The following TP63 variants were observed in gnomAD, a reference collection of about 807,000 sequenced individuals.
TP63 encodes tumor protein 63.
TP63 carries 17 observed loss-of-function variants against 82.8 expected under a neutral mutation model. The observed-to-expected ratio is 0.21, with a 90% CI of 0.14 to 0.31. TP63 has a LOEUF of 0.31. TP63 is among the 10% of genes least tolerant of loss of function. The pLI is 1.00. For synonymous variants in TP63, 330 were observed against 321.7 expected (o/e 1.03, Z -0.28); for missense variants, 648 against 895.3 (o/e 0.72, Z 3.52).
At chr3:189,761,009 G>A (rs1289618191) in intron 3 of TP63, among the ~76,000 whole-genome samples, 13 of 152,078 alleles carry the variant, frequency 8.5e-5, no homozygotes, top group Admixed American at 8.5e-4. Flanking sequence ...TGGGATGCAG[G>A]GCACCAAGTC....
At chr3:189,837,217 T>TTC (rs749445372) in intron 4 of TP63, among the ~76,000 whole-genome samples, 8 of 151,214 alleles carry the variant, frequency 5.3e-5, no homozygotes, top group South Asian at 2.1e-4. Context: ...CATTTTTTTT[T>TTC]TCTCTCTCTC....
chr3:189,888,968 A>G (rs987512911), intron 11 of TP63, among the ~76,000 whole-genome samples: 2 of 152,228 alleles, frequency 1.3e-5, no homozygotes, highest in Admixed American at 1.3e-4. Context: ...CTAGACACCT[A>G]TAAGATCTAA....
At chr3:189,845,437 T>C (rs899073363) in intron 4 of TP63, among the ~76,000 whole-genome samples, 1 of 152,150 alleles carries the variant, frequency 6.6e-6, no homozygotes, top group Non-Finnish European at 1.5e-5. Flanking sequence ...GAAAAACAAA[T>C]TGTTTTGTTA....
chr3:189,747,046 G>T (rs890843770), intron 3 of TP63, among the ~76,000 whole-genome samples: 1 of 151,298 alleles, frequency 6.6e-6, no homozygotes, highest in Non-Finnish European at 1.5e-5. Flanking sequence ...TTTAGCAAGG[G>T]GATATAACAA....
chr3:189,709,926 A>G (rs797016178), intron 1 of TP63, among the ~76,000 whole-genome samples: 6 of 152,292 alleles, frequency 3.9e-5, no homozygotes, highest in African/African-American at 1.4e-4. Context: ...TATACTTTTT[A>G]GGAATATTTT....
chr3:189,706,246 T>A (rs34439990), intron 1 of TP63, among the ~76,000 whole-genome samples: 22 of 152,162 alleles, frequency 1.4e-4, no homozygotes, highest in Admixed American at 5.2e-4. Context: ...TTACTTCTTT[T>A]TTTTATTTTA....
At chr3:189,598,703 C>T in the TP63 span, among the ~76,000 whole-genome samples, 1 of 152,236 alleles carries the variant, frequency 6.6e-6, no homozygotes, top group Non-Finnish European at 1.5e-5. Flanking sequence ...TGGGACTAAA[C>T]TAGAATTCCA....
At chr3:189,749,255 T>G (rs531956635) in intron 3 of TP63, among the ~76,000 whole-genome samples, 2 of 152,252 alleles carry the variant, frequency 1.3e-5, no homozygotes, top group East Asian at 3.9e-4. Flanking sequence ...AAGAAACACC[T>G]GTTGAATGGA....
At chr3:189,744,423 G>A (rs1721220717) in intron 3 of TP63, among the ~76,000 whole-genome samples, 1 of 152,214 alleles carries the variant, frequency 6.6e-6, no homozygotes, top group South Asian at 2.1e-4. Flanking sequence ...ACACCAGCAG[G>A]GGGCCTAAGG....
rs1712595602 is a variant in TP63, at chr3:189,648,334, T to C, written c.62+16757T>C. Among the ~76,000 whole-genome samples, 3 of 146,934 alleles carry C rather than the reference T, an allele frequency of 2.0e-5. No individual in the cohort carries two copies. The South Asian group carries it at 6.7e-4, about 33-fold the overall frequency. ...TACAATTTAGTTTACTTTTTTATTA[T>C]GCTTATTGTTTCTTATCTGTCTCTT... is the stretch of plus-strand genomic sequence containing the variant. On this transcript the variant is annotated intron_variant, in intron 1 of 13. Transcript: ENST00000264731.
At chr3:189,754,820 T>C (rs112521276) in intron 3 of TP63, among the ~76,000 whole-genome samples, 19 of 152,154 alleles carry the variant, frequency 1.2e-4, no homozygotes, top group African/African-American at 4.6e-4. Context: ...ACTGCCATTA[T>C]CATCCTCCTT....
intron 4 of TP63, among the ~76,000 whole-genome samples, chr3:189,851,823 A>G (rs576705695): frequency 6.6e-6 from 1 of 152,070 alleles, no homozygotes; most frequent in Non-Finnish European, 1.5e-5. Flanking sequence ...TGAAGGTGAA[A>G]GTTCCATGGC....
chr3:189,843,160 C>T (rs1714374022), intron 4 of TP63, among the ~76,000 whole-genome samples: 1 of 152,228 alleles, frequency 6.6e-6, no homozygotes, highest in Non-Finnish European at 1.5e-5. Context: ...GGCCAGTGCC[C>T]AGGGCTAGCC....
rs563389915 is a variant in TP63, at chr3:189,842,568, C to T, written c.580-21664C>T. ...GTCTTCCTGTATTGCTGAGGAATGT[C>T]CAGGTTTGTTTTATTGAGGGGCAGG... On this transcript the variant is annotated intron_variant, in intron 4 of 13. Transcript: ENST00000264731. Among the ~76,000 whole-genome samples, 15 of 152,136 alleles carry T rather than the reference C, an allele frequency of 9.9e-5. 1 individual carries two copies. The South Asian group carries it at 3.1e-3, about 32-fold the overall frequency.
Position 189,694,790 on chromosome 3 carries a change from C to CTTTTTTTTTTTTTTTTTTT in TP63, c.63-42935_63-42917dup, listed in dbSNP as rs71175304. 9.2e-4 allele frequency among the ~76,000 whole-genome samples: 30 copies of CTTTTTTTTTTTTTTTTTTT among 32,756 alleles called. 10 individuals carry two copies. The highest frequency in any genetic ancestry group is 2.8e-3 in the Admixed American group (4 of 1,408). 21.5% of individuals were successfully genotyped at this position (32,756 alleles called of 152,430 possible). A position where few individuals can be genotyped will look rare whatever the true frequency, so the allele number is the denominator to read the frequency against. On this transcript the variant is annotated intron_variant, in intron 1 of 13. Transcript: ENST00000264731. ...TTGAAAGGAGGCCAGTATTTACAGC[C>CTTTTTTTTTTTTTTTTTTT]TTTTTTTTTTTTTTTTTTTTTTTTT... is the stretch of plus-strand genomic sequence containing the variant.
At chr3:189,702,224 GT>G (rs1717868212) in intron 1 of TP63, among the ~76,000 whole-genome samples, 1 of 152,158 alleles carries the variant, frequency 6.6e-6, no homozygotes. Context: ...GGAATTAAAG[GT>G]TTTAACTGAA....
intron 4 of TP63, among the ~76,000 whole-genome samples, chr3:189,850,276 C>T (rs1301521151): frequency 6.6e-6 from 1 of 151,998 alleles, no homozygotes; most frequent in Non-Finnish European, 1.5e-5. Context: ...AGTGAGACTC[C>T]ATCCCCCCGT....
intron 4 of TP63, among the ~76,000 whole-genome samples, chr3:189,863,861 A>G (rs1408062389): frequency 2.0e-5 from 3 of 152,186 alleles, no homozygotes; most frequent in African/African-American, 7.2e-5. Context: ...AATATCACTC[A>G]GTACATGCCA....
At chr3:189,747,771 G>C (rs7625113) in intron 3 of TP63, among the ~76,000 whole-genome samples, 97,179 of 151,762 alleles carry the variant, frequency 0.64, 31,469 homozygotes, top group East Asian at 0.76. Flanking sequence ...AAAAAAATTG[G>C]AAAGGACCAG....
Sources: gnomAD v4.1 joint callset for allele counts (sites outside exome capture counted in the v4.1 genomes callset) on GRCh38, gnomAD v4.1.1 for gene constraint, MANE v1.5 for transcripts, NCBI Gene and HGNC (gene_info 2026-07-23, HGNC 2026-07-21) for gene names.